The following ZSCAN5A variants were observed in gnomAD, a reference collection of about 807,000 sequenced individuals.
ZSCAN5A encodes zinc finger and SCAN domain-containing protein 5A.
Under a neutral mutation model 23.7 loss-of-function variants are expected in ZSCAN5A, and 12 were observed. The observed-to-expected ratio is 0.51, with a 90% confidence interval of 0.32 to 0.82. The LOEUF (loss-of-function observed/expected upper bound fraction) is 0.82, where lower values mean the gene tolerates loss of function less well. Ranked by LOEUF, ZSCAN5A falls within the 40% of genes least tolerant of loss-of-function variation. The probability of loss-of-function intolerance (pLI) is 0.03; values close to 1 mark genes in which losing one functional copy is unlikely to be tolerated. For synonymous variants in ZSCAN5A, 257 were observed against 239.9 expected (o/e 1.07, Z -0.66); for missense variants, 597 against 617.9 (o/e 0.97, Z 0.36).
upstream of ZSCAN5A, among the ~76,000 whole-genome samples, chr19:56,319,182 TAAGG>T (rs1568749398): frequency 6.6e-6 from 1 of 151,820 alleles, no homozygotes; most frequent in Non-Finnish European, 1.5e-5. Context: ...TTAAATCAGG[TAAGG>T]AAGCTGTACA....
chr19:56,315,456 G>C (rs1439206563), upstream of ZSCAN5A: 1 of 152,226 alleles, frequency 6.6e-6, no homozygotes, highest in Non-Finnish European at 1.5e-5. Context: ...GGAGATGAGG[G>C]CGACTCGCAG....
At chr19:56,294,887 T>TAG (rs2039756180) in intron 2 of ZSCAN5A, among the ~76,000 whole-genome samples, 1 of 152,056 alleles carries the variant, frequency 6.6e-6, no homozygotes, top group Non-Finnish European at 1.5e-5. Context: ...CAAAAGCACA[T>TAG]AGGGTATGAC....
chr19:56,270,128 C>A (rs1196144095), intron 2 of ZSCAN5A, among the ~76,000 whole-genome samples: 1 of 144,910 alleles, frequency 6.9e-6, no homozygotes, highest in Non-Finnish European at 1.5e-5. Context: ...ATGAGTGGAT[C>A]TCACAAACAT....
chr19:56,232,476 T>A (rs919000973), intron 2 of ZSCAN5A, among the ~76,000 whole-genome samples: 3 of 151,988 alleles, frequency 2.0e-5, no homozygotes, highest in Non-Finnish European at 4.4e-5. Flanking sequence ...TTATTTTATA[T>A]CAACTGTACC....
At chr19:56,246,480 C>T in intron 2 of ZSCAN5A, 4 of 631,744 alleles carry the variant, frequency 6.3e-6, no homozygotes, top group South Asian at 2.0e-5. Context: ...AGTATGAAGA[C>T]TTGGATCCAC....
chr19:56,313,634 C>T (rs958352593), intron 1 of ZSCAN5A, among the ~76,000 whole-genome samples: 1 of 152,154 alleles, frequency 6.6e-6, no homozygotes, highest in African/African-American at 2.4e-5. Flanking sequence ...TTTAAACTAG[C>T]TTTATAAATT....
chr19:56,322,355 T>C, intron 2 of ZSCAN5A: 1 of 772,296 alleles, frequency 1.3e-6, no homozygotes. Flanking sequence ...CAGATCTGGC[T>C]TCCCCTATTC....
chr19:56,282,841 G>A (rs1002611854), intron 2 of ZSCAN5A, among the ~76,000 whole-genome samples: 5 of 152,182 alleles, frequency 3.3e-5, no homozygotes, highest in Non-Finnish European at 5.9e-5. Context: ...TTACATCTTT[G>A]CTTTCTGAGG....
intron 2 of ZSCAN5A, among the ~76,000 whole-genome samples, chr19:56,270,931 T>C (rs1221730287): frequency 2.0e-5 from 3 of 152,192 alleles, no homozygotes; most frequent in African/African-American, 7.2e-5. Flanking sequence ...CATGAGTTCC[T>C]CATGAGCAAG....
chr19:56,254,436 G>A (rs1192372743), intron 2 of ZSCAN5A, among the ~76,000 whole-genome samples: 1 of 152,124 alleles, frequency 6.6e-6, no homozygotes, highest in Non-Finnish European at 1.5e-5. Flanking sequence ...GTGTCACAAT[G>A]TCCTCCCTTT....
intron 2 of ZSCAN5A, chr19:56,322,321 T>C: frequency 2.3e-6 from 2 of 866,818 alleles, no homozygotes; most frequent in Non-Finnish European, 4.0e-6. Context: ...TTTCTTAGCC[T>C]GAGGACTTCT....
chr19:56,265,173 C>A (rs1194167416), intron 2 of ZSCAN5A, among the ~76,000 whole-genome samples: 1 of 151,452 alleles, frequency 6.6e-6, no homozygotes, highest in Non-Finnish European at 1.5e-5. Flanking sequence ...TAATGTTGAG[C>A]CATGGAAGGA....
At chr19:56,304,523 C>A (rs1217182463) in intron 2 of ZSCAN5A, among the ~76,000 whole-genome samples, 1 of 152,162 alleles carries the variant, frequency 6.6e-6, no homozygotes, top group Non-Finnish European at 1.5e-5. Flanking sequence ...CGTCAGGAAC[C>A]TGAGGCTGAG....
At chr19:56,233,583 C>A (rs2034639090) in intron 2 of ZSCAN5A, among the ~76,000 whole-genome samples, 1 of 150,538 alleles carries the variant, frequency 6.6e-6, no homozygotes, top group Non-Finnish European at 1.5e-5. Context: ...CTCACCCACA[C>A]CGAATCCTAT....
At chr19:56,263,972 C>CT (rs35570967) in intron 2 of ZSCAN5A, among the ~76,000 whole-genome samples, 37,832 of 140,212 alleles carry the variant, frequency 0.27, 8,317 homozygotes, top group African/African-American at 0.6. Context: ...CCAAGAAAAA[C>CT]TTTTTTTTTT....
At chr19:56,268,425 G>C (rs2037620582) in intron 2 of ZSCAN5A, among the ~76,000 whole-genome samples, 3 of 152,200 alleles carry the variant, frequency 2.0e-5, no homozygotes, top group Admixed American at 2.0e-4. Context: ...TTGTTTCCCT[G>C]TAGAAGCCTC....
intron 2 of ZSCAN5A, among the ~76,000 whole-genome samples, chr19:56,322,734 T>A (rs1266549163): frequency 6.6e-6 from 1 of 152,176 alleles, no homozygotes; most frequent in African/African-American, 2.4e-5. Context: ...TCAAGTCCAC[T>A]GCATAAAATG....
chr19:56,321,440 C>T (rs529965227), intron 2 of ZSCAN5A: 40 of 673,078 alleles, frequency 5.9e-5, no homozygotes, highest in East Asian at 1.3e-4. Context: ...AAATGTCCAA[C>T]GGCATTGATA....
chr19:56,307,405 T>C (rs1380215791), intron 2 of ZSCAN5A, among the ~76,000 whole-genome samples: 4 of 152,242 alleles, frequency 2.6e-5, no homozygotes, highest in Admixed American at 6.5e-5. Context: ...AAAACACTTT[T>C]CTACTGAAAT....
Sources: allele counts gnomAD v4.1 joint callset (sites outside exome capture counted in the v4.1 genomes callset), GRCh38; gene constraint gnomAD v4.1.1; transcripts MANE v1.5; gene names NCBI Gene and HGNC (gene_info 2026-07-23, HGNC 2026-07-21).